ABLIM3: variants seen among roughly 807,000 people sequenced by gnomAD.
The protein encoded by ABLIM3 is actin-binding LIM protein 3.
ABLIM3 carries 61 observed loss-of-function variants against 109.5 expected under a neutral mutation model. That is an observed-to-expected ratio of 0.56 (90% CI 0.45 to 0.69). ABLIM3 has a LOEUF of 0.69. Among genes scored for constraint, ABLIM3 ranks in the 30% least tolerant of loss-of-function variants. ABLIM3 has a pLI of 0.00. For synonymous variants in ABLIM3, 300 were observed against 324.8 expected (o/e 0.92, Z 0.82); for missense variants, 796 against 889.5 (o/e 0.89, Z 1.34).
intron 8 of ABLIM3, among the ~76,000 whole-genome samples, chr5:149,226,480 CT>C (rs1761296949): frequency 6.6e-6 from 1 of 151,974 alleles, no homozygotes; most frequent in Admixed American, 6.5e-5. Context: ...GAGACTCCGT[CT>C]CAAAACAAAA....
intron 2 of ABLIM3, among the ~76,000 whole-genome samples, chr5:149,171,346 T>C (rs540973860): frequency 6.6e-6 from 1 of 152,322 alleles, no homozygotes; most frequent in East Asian, 1.9e-4. Flanking sequence ...TTACTTACCA[T>C]ATGCCAGAAA....
At chr5:149,239,187 T>A in intron 11 of ABLIM3, 61 bp from the exon 12 acceptor site, 1 of 1,571,980 alleles carries the variant, frequency 6.4e-7, no homozygotes, top group Non-Finnish European at 8.8e-7. Context: ...GTCCTTCGTC[T>A]CGTCCTCCTC....
intron 3 of ABLIM3, among the ~76,000 whole-genome samples, chr5:149,187,164 G>A: frequency 6.6e-6 from 1 of 152,186 alleles, no homozygotes; most frequent in East Asian, 1.9e-4. Context: ...ACATGAGTGG[G>A]AGGACAATAT....
At chr5:149,252,860 G>A in intron 23 of ABLIM3, 23 bp downstream of exon 23, 1 of 1,596,082 alleles carries the variant, frequency 6.3e-7, no homozygotes, top group Non-Finnish European at 8.6e-7. Context: ...AACTGAGCAG[G>A]AGCTCTTGGG....
At chr5:149,181,012 A>G (rs1180742613) in intron 2 of ABLIM3, among the ~76,000 whole-genome samples, 1 of 152,240 alleles carries the variant, frequency 6.6e-6, no homozygotes, top group Non-Finnish European at 1.5e-5. Context: ...TAGAGGAGGT[A>G]GATGAAAGTT....
chr5:149,252,214 G>T lies in ABLIM3; in HGVS notation c.1857+6G>T, dbSNP rs1753993237. On this transcript the variant is annotated splice_donor_region_variant and intron_variant, in intron 22 of 23. Transcript: ENST00000309868. ...TTCTCTCTGCAGAGTACAAGGTAAA[G>T]GATGTGCATAGACCCTGGGGGTCTC... is the stretch of plus-strand genomic sequence containing the variant. 31 of 1,613,466 alleles carry T rather than the reference G, an allele frequency of 1.9e-5. No individual in the cohort carries two copies. Among genetic ancestry groups the T allele is most frequent in the Non-Finnish European group, 2.5e-5 (30 of 1,179,744 alleles).
At chr5:149,253,523 T>C (rs1266928586) in intron 23 of ABLIM3, among the ~76,000 whole-genome samples, 1 of 152,156 alleles carries the variant, frequency 6.6e-6, no homozygotes, top group East Asian at 1.9e-4. Flanking sequence ...ATATTGAGTA[T>C]GAAGTGCCCA....
At chr5:149,157,809 A>G (rs1281622676) in intron 2 of ABLIM3, among the ~76,000 whole-genome samples, 1 of 152,144 alleles carries the variant, frequency 6.6e-6, no homozygotes, top group Non-Finnish European at 1.5e-5. Context: ...CCCCTAATCC[A>G]GCCATACCTG....
chr5:149,172,999 T>G (rs531553209), intron 2 of ABLIM3, among the ~76,000 whole-genome samples: 30 of 152,290 alleles, frequency 2.0e-4, no homozygotes, highest in Admixed American at 5.9e-4. Context: ...AACCAGATGT[T>G]AGCAAGAATT....
chr5:149,160,701 A>G (rs1034747255), intron 2 of ABLIM3, among the ~76,000 whole-genome samples: 2 of 152,126 alleles, frequency 1.3e-5, no homozygotes, highest in South Asian at 2.1e-4. Flanking sequence ...GACTCAGGAA[A>G]GGCTTAGGAC....
intron 8 of ABLIM3, chr5:149,219,413 C>T (rs548688369): frequency 5.3e-5 from 8 of 152,324 alleles, no homozygotes; most frequent in African/African-American, 1.7e-4. Context: ...TGTCTACTTA[C>T]TTATATGAAC....
At chr5:149,203,095 C>G (rs1267866103) in intron 5 of ABLIM3, among the ~76,000 whole-genome samples, 1 of 151,946 alleles carries the variant, frequency 6.6e-6, no homozygotes, top group Non-Finnish European at 1.5e-5. Context: ...TTGCCATCAC[C>G]ATTGCACCAC....
chr5:149,181,353 TG>T (rs1398247925), intron 2 of ABLIM3, among the ~76,000 whole-genome samples: 1 of 152,144 alleles, frequency 6.6e-6, no homozygotes, highest in East Asian at 1.9e-4. Flanking sequence ...ATGATACCAG[TG>T]AACATTTGTG....
In ABLIM3 at chr5:149,161,413, T is replaced by C. The variant is rs146382856; in HGVS notation, c.13+19305T>C. Among the ~76,000 whole-genome samples, 527 of 152,280 alleles carry C rather than the reference T, an allele frequency of 3.5e-3. 4 individuals are homozygous for C. Among genetic ancestry groups the C allele is most frequent in the African/African-American group, 0.012 (484 of 41,570 alleles). ...TCTGCCTTCCCTCTCTGCCTGGCTG[T>C]CTCTCTTGAAATCTGTATTCTTTTC... On this transcript the variant is annotated intron_variant, in intron 2 of 23. Transcript: ENST00000309868.
At chr5:149,223,165 A>C (rs557799383) in intron 8 of ABLIM3, among the ~76,000 whole-genome samples, 1 of 152,138 alleles carries the variant, frequency 6.6e-6, no homozygotes, top group South Asian at 2.1e-4. Context: ...AAGCATCTTG[A>C]ATCATATAGA....
chr5:149,185,626 A>C (rs561505809), intron 3 of ABLIM3, among the ~76,000 whole-genome samples: 1 of 152,340 alleles, frequency 6.6e-6, no homozygotes, highest in South Asian at 2.1e-4. Context: ...GGGGAAAAAA[A>C]TAGACCAATA....
At chr5:149,168,819 G>A (rs1475230761) in intron 2 of ABLIM3, among the ~76,000 whole-genome samples, 1 of 152,202 alleles carries the variant, frequency 6.6e-6, no homozygotes, top group Non-Finnish European at 1.5e-5. Flanking sequence ...TGTCAGTGCT[G>A]AAGACTGTGT....
chr5:149,242,057 T>C (rs542952508), intron 14 of ABLIM3, among the ~76,000 whole-genome samples: 23 of 151,994 alleles, frequency 1.5e-4, no homozygotes, highest in Non-Finnish European at 3.4e-4. Flanking sequence ...CCTAGAGGGG[T>C]CCCATCCTGT....
intron 6 of ABLIM3, among the ~76,000 whole-genome samples, chr5:149,207,410 C>G (rs1053208183): frequency 2.6e-5 from 4 of 152,202 alleles, no homozygotes; most frequent in African/African-American, 4.8e-5. Context: ...CTCCGGCCGT[C>G]TCTCATTTAC....
Sources: gnomAD v4.1 joint callset for allele counts (sites outside exome capture counted in the v4.1 genomes callset) on GRCh38, gnomAD v4.1.1 for gene constraint, MANE v1.5 for transcripts, NCBI Gene and HGNC (gene_info 2026-07-23, HGNC 2026-07-21) for gene names.